Variants in ADAM22 observed in about 807,000 individuals in gnomAD.
The protein encoded by ADAM22 is disintegrin and metalloproteinase domain-containing protein 22.
A neutral mutation model predicts 144.6 loss-of-function variants in ADAM22; 65 were observed. The observed-to-expected ratio is 0.45, with a 90% confidence interval of 0.37 to 0.55. The LOEUF (loss-of-function observed/expected upper bound fraction) is 0.55. ADAM22 is among the 20% of genes least tolerant of loss of function. The pLI is 0.00. For synonymous variants in ADAM22, 391 were observed against 412.6 expected (o/e 0.95, Z 0.63); for missense variants, 974 against 1,184.9 (o/e 0.82, Z 2.61).
At chr7:88,102,689 A>G (rs1463588137) in intron 4 of ADAM22, among the ~76,000 whole-genome samples, 2 of 152,232 alleles carry the variant, frequency 1.3e-5, no homozygotes, top group East Asian at 1.9e-4. Flanking sequence ...TGGGCAAGAG[A>G]CAGTATCTGC....
chr7:88,031,161 T>G (rs536535346), intron 3 of ADAM22, among the ~76,000 whole-genome samples: 1 of 152,128 alleles, frequency 6.6e-6, no homozygotes, highest in Non-Finnish European at 1.5e-5. Context: ...CTTTTCTGTA[T>G]AAATTACCTA....
At chr7:88,195,727 C>A (rs1056282186) in intron 31 of ADAM22, among the ~76,000 whole-genome samples, 8 of 152,032 alleles carry the variant, frequency 5.3e-5, no homozygotes, top group Non-Finnish European at 1.2e-4. Flanking sequence ...CCGTGTTATG[C>A]AGGATGGTCT....
chr7:88,082,832 G>A (rs2129483310), intron 4 of ADAM22, among the ~76,000 whole-genome samples: 1 of 152,116 alleles, frequency 6.6e-6, no homozygotes, highest in South Asian at 2.1e-4. Context: ...AAAAAGTCAG[G>A]AAACAACAGG....
At position 88,098,423 on chromosome 7, in the gene ADAM22, G is replaced by A. The variant is rs561488006; in HGVS notation, c.391-9753G>A. The stretch of plus-strand genomic sequence containing the variant: ...AAGAGATGAATTATTTTACTGGTTT[G>A]AATAGTGTTCCCCAAAATTCACGAC... On this transcript the variant is annotated intron_variant, in intron 4 of 31. Transcript: ENST00000413139. Among the ~76,000 whole-genome samples, 3 of 152,186 alleles carry A rather than the reference G, an allele frequency of 2.0e-5. No homozygotes were observed. The East Asian group carries it at 5.8e-4, about 29-fold the overall frequency.
chr7:87,934,338 G>T lies in ADAM22; in HGVS notation c.-128G>T. On this transcript the variant is annotated 5_prime_UTR_variant, in exon 1 of 32. Coordinates refer to ENST00000413139, the MANE Select transcript of ADAM22 (RefSeq NM_001324418.2). ...TGGAGGTTGCAGCGCCACGGCCGCC[G>T]CAGCACCGGCCGGGGCTGGGTGGAG... The T allele has an allele frequency of 1.3e-6, 1 of 799,364 alleles. No individual in the cohort carries two copies. Among genetic ancestry groups the T allele is most frequent in the Non-Finnish European group, 1.9e-6 (1 of 531,192 alleles). The allele number at this position is 799,364 out of a possible 1,614,324, so 49.5% of individuals were successfully genotyped here. A position where few individuals can be genotyped will look rare whatever the true frequency, so the allele number is the denominator to read the frequency against.
chr7:88,022,335 C>T (rs1472941772), intron 3 of ADAM22, among the ~76,000 whole-genome samples: 1 of 152,176 alleles, frequency 6.6e-6, no homozygotes, highest in African/African-American at 2.4e-5. Flanking sequence ...CATTGCAATT[C>T]AAATGTTCTC....
intron 2 of ADAM22, among the ~76,000 whole-genome samples, chr7:87,956,731 TATC>T (rs907149663): frequency 6.6e-6 from 1 of 152,234 alleles, no homozygotes; most frequent in Admixed American, 6.5e-5. Flanking sequence ...TTTTTTCACT[TATC>T]ATAATGTTTT....
chr7:87,937,799 A>G (rs757183935), intron 2 of ADAM22, among the ~76,000 whole-genome samples: 3 of 152,242 alleles, frequency 2.0e-5, no homozygotes, highest in Non-Finnish European at 4.4e-5. Context: ...AAGTATGAAT[A>G]GATGATTAAT....
At chr7:88,044,174 G>A (rs751705630) in intron 3 of ADAM22, among the ~76,000 whole-genome samples, 6 of 152,128 alleles carry the variant, frequency 3.9e-5, no homozygotes, top group Non-Finnish European at 2.9e-5. Flanking sequence ...ATATTACATT[G>A]CAGTTCCACT....
Position 87,937,624 on chromosome 7 carries a change from G to A in ADAM22, c.246+2438G>A, listed in dbSNP as rs374705098. 2.2e-4 allele frequency among the ~76,000 whole-genome samples: 34 copies of A among 152,266 alleles called. No individual in the cohort carries two copies. The East Asian group carries it at 3.9e-3, about 17-fold the overall frequency. On this transcript the variant is annotated intron_variant, in intron 2 of 31. Transcript: ENST00000413139. The stretch of plus-strand genomic sequence containing the variant: ...CAGTCCTCCTTTTCTCCCCATTTAT[G>A]GAGCACCACTTGTGCAGTTTTTTGA...
chr7:87,975,379 A>T (rs1274429029), intron 2 of ADAM22, among the ~76,000 whole-genome samples: 1 of 152,176 alleles, frequency 6.6e-6, no homozygotes, highest in African/African-American at 2.4e-5. Flanking sequence ...TTGTCCCCCA[A>T]ATCTAAATAG....
chr7:88,060,492 TG>T, intron 3 of ADAM22, among the ~76,000 whole-genome samples: 1 of 152,280 alleles, frequency 6.6e-6, no homozygotes, highest in East Asian at 1.9e-4. Flanking sequence ...TGTTTTTGGC[TG>T]GGCGCAGTGG....
At chr7:88,187,022 A>C (rs920714907) in intron 30 of ADAM22, among the ~76,000 whole-genome samples, 4 of 152,226 alleles carry the variant, frequency 2.6e-5, no homozygotes, top group Non-Finnish European at 2.9e-5. Flanking sequence ...TCCACTAATA[A>C]AGAAGCACTA....
At chr7:88,169,530 A>G (rs1843750236) in intron 25 of ADAM22, among the ~76,000 whole-genome samples, 1 of 152,088 alleles carries the variant, frequency 6.6e-6, no homozygotes, top group Non-Finnish European at 1.5e-5. Context: ...AGCAATTGCC[A>G]TATATACTTA....
intron 3 of ADAM22, among the ~76,000 whole-genome samples, chr7:88,029,406 C>A (rs554177692): frequency 6.6e-6 from 1 of 151,950 alleles, no homozygotes; most frequent in African/African-American, 2.4e-5. Context: ...TTTGTTGTTT[C>A]TACTTTTTAT....
At chr7:88,159,774 A>G (rs1563355951) in intron 22 of ADAM22, among the ~76,000 whole-genome samples, 2 of 152,156 alleles carry the variant, frequency 1.3e-5, no homozygotes, top group African/African-American at 2.4e-5. Flanking sequence ...AGAGCCATCT[A>G]TGACAAACCC....
chr7:88,027,295 C>G (rs200477609), intron 3 of ADAM22, among the ~76,000 whole-genome samples: 1 of 152,092 alleles, frequency 6.6e-6, no homozygotes, highest in African/African-American at 2.4e-5. Context: ...GAATAGTTTC[C>G]GTAAGATTGG....
chr7:88,153,389 T>A, intron 21 of ADAM22, 63 bp downstream of exon 21: 1 of 1,381,198 alleles, frequency 7.2e-7, no homozygotes, highest in Non-Finnish European at 1.0e-6. Flanking sequence ...CTTTTTTGAG[T>A]GACTAGGAAG....
chr7:88,037,856 A>G (rs1017445573), intron 3 of ADAM22, among the ~76,000 whole-genome samples: 31 of 152,174 alleles, frequency 2.0e-4, no homozygotes, highest in African/African-American at 7.0e-4. Context: ...CATATGTACT[A>G]TCTCTTTAAG....
Sources: allele counts gnomAD v4.1 joint callset (sites outside exome capture counted in the v4.1 genomes callset), GRCh38; gene constraint gnomAD v4.1.1; transcripts MANE v1.5; gene names NCBI Gene and HGNC (gene_info 2026-07-23, HGNC 2026-07-21).